Variants in TEX54 observed in about 807,000 individuals in gnomAD.
TEX54 encodes testis-expressed protein 54.
For missense variants in TEX54, 58 were observed against 19.6 expected (o/e 2.96, Z -3.70); for synonymous variants, 17 against 7.0 (o/e 2.42, Z -2.24).
chr11:62,832,444 G>T (rs1590981984), exon 1 of TEX54: 4 of 456,008 alleles, frequency 8.8e-6, no homozygotes, highest in Non-Finnish European at 1.5e-5. Context: ...ATCTGGTCTG[G>T]TTGCCTCTTG....
exon 1 of TEX54, chr11:62,832,488 G>T: frequency 2.2e-6 from 1 of 445,640 alleles, no homozygotes; most frequent in Non-Finnish European, 4.0e-6. Context: ...ACCGAACGTG[G>T]ATAGTCGCCG....
At chr11:62,832,580 T>C (rs1285446097) in exon 1 of TEX54, 3 of 435,410 alleles carry the variant, frequency 6.9e-6, no homozygotes, top group Admixed American at 8.0e-5. Context: ...CTTCGGCGCC[T>C]GAGGGGACGA....
In TEX54 at chr11:62,832,397, C is replaced by T. The variant is rs191609572; in HGVS notation, c.354G>A (p.Gln118=). 2.2e-3 allele frequency: 1,043 copies of T among 472,466 alleles called. 5 individuals are homozygous for T. Among genetic ancestry groups the T allele is most frequent in the Middle Eastern group, 0.012 (22 of 1,808 alleles). 29.3% of individuals were successfully genotyped at this position (472,466 alleles called of 1,614,324 possible). ...GGGGTCATCCCTTCTCCGGCTCCTC[C>T]TGGTTGCCTTCTCGGATCGGACTCT... Residue 118 remains glutamine, a synonymous_variant, in exon 1 of 1, where the codon CAG becomes CAA. Transcript: ENST00000636508.
exon 1 of TEX54, chr11:62,832,644 G>A (rs751602174): frequency 4.3e-6 from 2 of 464,056 alleles, no homozygotes; most frequent in Non-Finnish European, 7.5e-6. Context: ...ACACTCCCTG[G>A]GCCCTCTTTG....
exon 1 of TEX54, chr11:62,832,761 G>C (rs1486714830): frequency 1.6e-6 from 1 of 615,098 alleles, no homozygotes; most frequent in Non-Finnish European, 2.7e-6. Context: ...GGCCCCGCGT[G>C]GCCCTGGACT....
exon 1 of TEX54, chr11:62,832,423 CCTG>C: frequency 2.1e-6 from 1 of 474,294 alleles, no homozygotes. Context: ...ATCGGACTCT[CCTG>C]CTTCCGAATC....
chr11:62,832,515 A>G (rs1379110969), exon 1 of TEX54: 1 of 436,604 alleles, frequency 2.3e-6, no homozygotes, highest in Non-Finnish European at 4.0e-6. Flanking sequence ...CACGGTAATC[A>G]GAAGGCTTTC....
exon 1 of TEX54, chr11:62,832,354 C>T (rs1040945729): frequency 5.3e-6 from 3 of 567,578 alleles, no homozygotes; most frequent in East Asian, 3.0e-5. Context: ...GAGGTTGGGG[C>T]GGACTGAGAG....
At chr11:62,832,330 A>G in exon 1 of TEX54, 1 of 571,468 alleles carries the variant, frequency 1.7e-6, no homozygotes, top group Non-Finnish European at 3.1e-6. Flanking sequence ...ATACGTTAGA[A>G]ATTTTATTCT....
chr11:62,832,621 G>A, exon 1 of TEX54: 1 of 446,738 alleles, frequency 2.2e-6, no homozygotes, highest in Non-Finnish European at 3.9e-6. Context: ...CTACCCTCGG[G>A]AAGCCCCCTC....
At chr11:62,832,423 C>A in the TEX54 span, 1 of 474,294 alleles carries the variant, frequency 2.1e-6, no homozygotes, top group Non-Finnish European at 3.7e-6. Context: ...ATCGGACTCT[C>A]CTGCTTCCGA....
chr11:62,832,813 T>G, upstream of TEX54: 4 of 1,101,674 alleles, frequency 3.6e-6, no homozygotes, highest in Non-Finnish European at 5.0e-6. Context: ...AGGCCCGGCT[T>G]TTGTGACATC....
At chr11:62,832,767 G>A in exon 1 of TEX54, 2 of 674,766 alleles carry the variant, frequency 3.0e-6, no homozygotes, top group South Asian at 4.4e-5. Context: ...GCGTGGCCCT[G>A]GACTCCGTGC....
chr11:62,832,413 A>G, exon 1 of TEX54: 1 of 477,738 alleles, frequency 2.1e-6, no homozygotes, highest in East Asian at 3.4e-5. Context: ...GCCTTCTCGG[A>G]TCGGACTCTC....
At chr11:62,832,565 G>T (rs930719745) in exon 1 of TEX54, 3 of 434,670 alleles carry the variant, frequency 6.9e-6, no homozygotes, top group Non-Finnish European at 1.2e-5. Context: ...AGTTCAAGTC[G>T]ATATCTTCGG....
At chr11:62,832,432 G>A (rs996555701) in exon 1 of TEX54, 3 of 465,998 alleles carry the variant, frequency 6.4e-6, no homozygotes, top group Non-Finnish European at 1.1e-5. Context: ...TCCTGCTTCC[G>A]AATCTGGTCT....
At chr11:62,832,797 G>C in exon 1 of TEX54, 1 of 945,126 alleles carries the variant, frequency 1.1e-6, no homozygotes. Flanking sequence ...CAGCCTGCCT[G>C]CCTCCAGGCC....
chr11:62,832,604 C>A, exon 1 of TEX54: 4 of 444,248 alleles, frequency 9.0e-6, no homozygotes, highest in South Asian at 5.7e-5. Flanking sequence ...GGCCTCTGAG[C>A]TCACCCCTAC....
At chr11:62,832,636 A>G in exon 1 of TEX54, 3 of 443,384 alleles carry the variant, frequency 6.8e-6, no homozygotes, top group Non-Finnish European at 1.2e-5. Flanking sequence ...CCCCTCTCAC[A>G]CTCCCTGGGC....
Sources: gnomAD v4.1 joint callset for allele counts on GRCh38, gnomAD v4.1.1 for gene constraint, MANE v1.5 for transcripts, NCBI Gene and HGNC (gene_info 2026-07-23, HGNC 2026-07-21) for gene names.